HDAC9: variants seen among roughly 807,000 people sequenced by gnomAD.
The protein encoded by HDAC9 is histone deacetylase 9.
A neutral mutation model predicts 139.4 loss-of-function variants in HDAC9; 41 were observed. The ratio of observed to expected loss-of-function variants is 0.29; its 90% CI spans 0.23 to 0.38. The LOEUF (loss-of-function observed/expected upper bound fraction) is 0.38. Among genes scored for constraint, HDAC9 ranks in the 10% least tolerant of loss-of-function variants. HDAC9 has a pLI of 1.00. For synonymous variants in HDAC9, 517 were observed against 476.2 expected (o/e 1.09, Z -1.12); for missense variants, 1,147 against 1,297.0 (o/e 0.88, Z 1.78).
chr7:18,829,394 A>G, intron 18 of HDAC9, 67 bp from the exon 19 acceptor site: 1 of 1,304,306 alleles, frequency 7.7e-7, no homozygotes, highest in South Asian at 1.2e-5. Flanking sequence ...AATGCTCTGA[A>G]CATTATTTAT....
At chr7:18,269,951 A>G (rs1796249471) in intron 2 of HDAC9, among the ~76,000 whole-genome samples, 1 of 152,060 alleles carries the variant, frequency 6.6e-6, no homozygotes, top group Non-Finnish European at 1.5e-5. Context: ...AAAGGGCTAG[A>G]CAGGGGTTTC....
At chr7:18,150,792 C>T (rs1786721906) in intron 1 of HDAC9, among the ~76,000 whole-genome samples, 1 of 152,198 alleles carries the variant, frequency 6.6e-6, no homozygotes, top group Non-Finnish European at 1.5e-5. Context: ...AAATTAAGTG[C>T]ATCTTTTATG....
chr7:18,996,436 A>C lies in HDAC9; in HGVS notation c.*374A>C, dbSNP rs1786468041. 1 of 170,764 alleles carries C rather than the reference A, an allele frequency of 5.9e-6. No homozygotes were observed. Among genetic ancestry groups the C allele is most frequent in the Non-Finnish European group, 1.3e-5 (1 of 79,530 alleles). The allele number at this position is 170,764 out of a possible 1,614,324, so 10.6% of individuals were successfully genotyped here. A position where few individuals can be genotyped will look rare whatever the true frequency, so the allele number is the denominator to read the frequency against. On this transcript the variant is annotated 3_prime_UTR_variant, in exon 26 of 26. Coordinates refer to ENST00000686413, the MANE Select transcript of HDAC9 (RefSeq NM_178425.4). ...ATGACAGCCAGTGAAATTTTGGGCA[A>C]AACCTGAGACATAGTCATTCCTGAC...
chr7:18,281,489 C>T (rs536290968), intron 2 of HDAC9, among the ~76,000 whole-genome samples: 80 of 152,318 alleles, frequency 5.3e-4, no homozygotes, highest in African/African-American at 1.8e-3. Flanking sequence ...GAAACCACTT[C>T]TTTAATTGAT....
intron 1 of HDAC9, among the ~76,000 whole-genome samples, chr7:18,107,118 A>C (rs934869705): frequency 6.6e-6 from 1 of 152,180 alleles, no homozygotes; most frequent in Admixed American, 6.5e-5. Flanking sequence ...TCACAATATT[A>C]ATCTGGCTTT....
chr7:18,123,702 A>C (rs1784490833), intron 1 of HDAC9, among the ~76,000 whole-genome samples: 1 of 152,184 alleles, frequency 6.6e-6, no homozygotes, highest in Non-Finnish European at 1.5e-5. Context: ...TATGAAGGCT[A>C]GGGCAGGCAA....
chr7:18,324,547 G>A (rs544303051), intron 1 of HDAC9, among the ~76,000 whole-genome samples: 1 of 152,252 alleles, frequency 6.6e-6, no homozygotes, highest in East Asian at 1.9e-4. Flanking sequence ...AATGGCTTAC[G>A]GTTTTTCTTG....
At chr7:18,229,304 C>A (rs778017563) in intron 2 of HDAC9, among the ~76,000 whole-genome samples, 1 of 152,212 alleles carries the variant, frequency 6.6e-6, no homozygotes, top group African/African-American at 2.4e-5. Flanking sequence ...ATTTACCCAT[C>A]TAATTTGCTC....
chr7:18,194,938 T>TTGTG (rs112692661), intron 2 of HDAC9, among the ~76,000 whole-genome samples: 2,554 of 148,824 alleles, frequency 0.017, 66 homozygotes, highest in African/African-American at 0.058. Context: ...CTTTATAGTT[T>TTGTG]TGTGTGTGTG....
At chr7:18,592,223 G>A (rs1831195729) in intron 5 of HDAC9, among the ~76,000 whole-genome samples, 1 of 152,030 alleles carries the variant, frequency 6.6e-6, no homozygotes, top group Admixed American at 6.6e-5. Flanking sequence ...TAAGTCTTCA[G>A]TGAATAGTTT....
At chr7:18,170,204 T>G (rs2128132916) in intron 2 of HDAC9, among the ~76,000 whole-genome samples, 2 of 152,372 alleles carry the variant, frequency 1.3e-5, no homozygotes, top group South Asian at 4.1e-4. Context: ...ATTTCTCTGA[T>G]GACCAGTGAT....
chr7:18,210,745 C>A (rs977534195), intron 2 of HDAC9, among the ~76,000 whole-genome samples: 1 of 152,272 alleles, frequency 6.6e-6, no homozygotes, highest in African/African-American at 2.4e-5. Flanking sequence ...CATGAAGTAG[C>A]TTTTCATGTT....
At chr7:18,928,823 T>G (rs1804466644) in intron 22 of HDAC9, among the ~76,000 whole-genome samples, 1 of 146,050 alleles carries the variant, frequency 6.8e-6, no homozygotes, top group South Asian at 2.1e-4. Context: ...TGATGATCAT[T>G]TATTTTATTT....
chr7:18,385,577 A>G (rs780444758), intron 1 of HDAC9, among the ~76,000 whole-genome samples: 14 of 152,182 alleles, frequency 9.2e-5, no homozygotes, highest in Non-Finnish European at 2.1e-4. Context: ...ATTATTTGAG[A>G]ACATCTAATC....
At chr7:18,603,824 C>T (rs1834641409) in intron 6 of HDAC9, among the ~76,000 whole-genome samples, 1 of 152,070 alleles carries the variant, frequency 6.6e-6, no homozygotes, top group Non-Finnish European at 1.5e-5. Context: ...TATGGCAGGC[C>T]TACAGGCAAT....
intron 1 of HDAC9, among the ~76,000 whole-genome samples, chr7:18,438,091 T>G (rs1451362745): frequency 6.7e-6 from 1 of 150,222 alleles, no homozygotes; most frequent in East Asian, 1.9e-4. Flanking sequence ...TATAATAAAT[T>G]TATTAGTTGG....
At chr7:18,574,589 A>G (rs1038882214) in intron 2 of HDAC9, among the ~76,000 whole-genome samples, 2 of 152,052 alleles carry the variant, frequency 1.3e-5, no homozygotes, top group Non-Finnish European at 2.9e-5. Flanking sequence ...TCCTGCCGCC[A>G]TCAGTCATGT....
intron 24 of HDAC9, among the ~76,000 whole-genome samples, chr7:18,970,407 A>C (rs1784171785): frequency 6.6e-6 from 1 of 152,222 alleles, no homozygotes; most frequent in African/African-American, 2.4e-5. Context: ...ATAAATTTTG[A>C]ATAGGACTAT....
intron 1 of HDAC9, among the ~76,000 whole-genome samples, chr7:18,379,833 T>C (rs2128711924): frequency 6.6e-6 from 1 of 152,302 alleles, no homozygotes; most frequent in South Asian, 2.1e-4. Context: ...CTTAAACAGA[T>C]CTAAGGTATC....
Sources: gnomAD v4.1 joint callset for allele counts (sites outside exome capture counted in the v4.1 genomes callset) on GRCh38, gnomAD v4.1.1 for gene constraint, MANE v1.5 for transcripts, NCBI Gene and HGNC (gene_info 2026-07-23, HGNC 2026-07-21) for gene names.